Variants in PRPF8 observed in about 807,000 individuals in gnomAD.
PRPF8 encodes the protein pre-mRNA processing factor 8.
PRPF8 carries 64 observed loss-of-function variants against 285.9 expected under a neutral mutation model. The ratio of observed to expected loss-of-function variants is 0.22; its 90% confidence interval spans 0.18 to 0.28. PRPF8 has a LOEUF of 0.28. PRPF8 is among the 10% of genes least tolerant of loss of function. The pLI is 1.00. For synonymous variants in PRPF8, 1,325 were observed against 1,118.2 expected (o/e 1.18, Z -3.69); for missense variants, 1,426 against 3,026.7 (o/e 0.47, Z 12.41).
At chr17:1,660,654 G>A in intron 29 of PRPF8, 44 bp downstream of exon 29, 1 of 1,614,206 alleles carries the variant, frequency 6.2e-7, no homozygotes, top group Non-Finnish European at 8.5e-7. Flanking sequence ...GCAAGAAGCA[G>A]CAACTGTCTT....
At chr17:1,666,476 G>A (rs1414422868) in intron 24 of PRPF8, among the ~76,000 whole-genome samples, 1 of 151,532 alleles carries the variant, frequency 6.6e-6, no homozygotes, top group East Asian at 1.9e-4. Flanking sequence ...TCCTGAGCCT[G>A]GGAGGCAGAG....
intron 24 of PRPF8, among the ~76,000 whole-genome samples, chr17:1,672,744 C>G (rs543885732): frequency 6.6e-6 from 1 of 152,208 alleles, no homozygotes; most frequent in South Asian, 2.1e-4. Flanking sequence ...CACAGGTTCT[C>G]TATGCCACTG....
At position 1,651,420 on chromosome 17, in the gene PRPF8, GTGA is replaced by G. The variant is rs1265722163; in HGVS notation, c.6641_6643del (p.Ile2214del). The G allele has an allele frequency of 1.2e-6, 2 of 1,614,062 alleles. No homozygotes were observed. Among genetic ancestry groups the G allele is most frequent in the South Asian group, 1.1e-5 (1 of 91,094 alleles). ...CCAAGGAGCCCAGGCCCACCTGCAT[GTGA>G]TGATAATGGTCTTCTCGCCATCCCA... On this transcript the variant is annotated inframe_deletion, in exon 41 of 43. Transcript: ENST00000304992. This position sits in a 1 kb window ranked among gnomAD's most constrained non-coding sequence, Gnocchi z 5.1.
At chr17:1,678,908 A>G in intron 11 of PRPF8, 27 bp from the exon 12 acceptor site, 1 of 1,614,006 alleles carries the variant, frequency 6.2e-7, no homozygotes. Flanking sequence ...AAACAGACAG[A>G]ACGTGAATGA....
chr17:1,671,193 A>G (rs1490437462), intron 24 of PRPF8, among the ~76,000 whole-genome samples: 2 of 152,144 alleles, frequency 1.3e-5, no homozygotes, highest in Admixed American at 1.3e-4. Flanking sequence ...ATCACATGCT[A>G]CTTCTTTCAG....
Position 1,684,782 on chromosome 17 carries a change from C to T in PRPF8, c.-14G>A. On this transcript the variant is annotated splice_region_variant and 5_prime_UTR_variant, in exon 1 of 43. Coordinates refer to ENST00000304992, the MANE Select transcript of PRPF8 (RefSeq NM_006445.4). ...GGCCTTAAACGCCTGCCACGCACCC[C>T]ACAGGCCCTCACACAAGAGGCCGCT... The T allele has an allele frequency of 3.3e-6, 2 of 608,270 alleles. No homozygotes were observed. The highest frequency in any genetic ancestry group is 2.8e-5 in the East Asian group (1 of 36,318). The allele number at this position is 608,270 out of a possible 1,614,324, so 37.7% of individuals were successfully genotyped here.
chr17:1,658,977 T>TA lies in PRPF8; in HGVS notation c.5139-215dup. The stretch of plus-strand genomic sequence containing the variant: ...GTAAAGTAAAAAAGTATGACTACGT[T>TA]AAAGTATGGAGCTAATGGAAAATAC... On this transcript the variant is annotated intron_variant, in intron 32 of 42. Transcript: ENST00000304992. This position sits in a 1 kb window ranked among gnomAD's most constrained non-coding sequence, Gnocchi z 4.1. 1.5e-6 allele frequency: 1 copy of TA among 682,764 alleles called. No individual in the cohort carries two copies. Among genetic ancestry groups the TA allele is most frequent in the Non-Finnish European group, 2.7e-6 (1 of 375,166 alleles). 42.3% of individuals were successfully genotyped at this position (682,764 alleles called of 1,614,324 possible).
chr17:1,684,011 C>T (rs1024350083), intron 2 of PRPF8, among the ~76,000 whole-genome samples: 1 of 151,924 alleles, frequency 6.6e-6, no homozygotes, highest in African/African-American at 2.4e-5. Context: ...CTCAGCCTCC[C>T]CAGTAGCTGG....
At position 1,679,439 on chromosome 17, in the gene PRPF8, C is replaced by A; in HGVS notation, c.1290-29G>T. ...GAAAAATAAGCCCACCAGAGTTTGGCCATCTCTTCTTCCAGACACTCTGCT... is the reference window on the plus strand; with the variant it reads ...GAAAAATAAGCCCACCAGAGTTTGGACATCTCTTCTTCCAGACACTCTGCT... On this transcript the variant is annotated intron_variant, in intron 9 of 42. Coordinates refer to ENST00000304992, the MANE Select transcript of PRPF8 (RefSeq NM_006445.4). The surrounding 1 kb of genome is among the most constrained non-coding windows in gnomAD (Gnocchi z 4.7). 6.2e-7 allele frequency: 1 copy of A among 1,612,042 alleles called. No individual in the cohort carries two copies. Among genetic ancestry groups the A allele is most frequent in the South Asian group, 1.1e-5 (1 of 91,000 alleles).
chr17:1,665,989 G>A (rs1911956571), intron 24 of PRPF8, among the ~76,000 whole-genome samples: 1 of 34,984 alleles, frequency 2.9e-5, no homozygotes, highest in Admixed American at 3.2e-4. Flanking sequence ...CGGTGAAACC[G>A]CGTCGTAGTA....
chr17:1,677,710 G>A lies in PRPF8; in HGVS notation c.1855-16C>T, dbSNP rs763190656. On this transcript the variant is annotated splice_polypyrimidine_tract_variant and intron_variant, in intron 13 of 42. Coordinates refer to ENST00000304992, the MANE Select transcript of PRPF8 (RefSeq NM_006445.4). ...CTACAGGGCCCTACGATCCCAAGCA[G>A]AAGTTAAGAATACAAGTTAGCAATG... 1.9e-6 allele frequency: 3 copies of A among 1,613,568 alleles called. No individual in the cohort carries two copies. The Admixed American group carries it at 5.0e-5, about 27-fold the overall frequency.
intron 24 of PRPF8, among the ~76,000 whole-genome samples, chr17:1,670,495 GTATT>G (rs1248897157): frequency 1.3e-5 from 2 of 152,056 alleles, no homozygotes; most frequent in African/African-American, 4.8e-5. Context: ...ATTGATTTAT[GTATT>G]TTTTTGGAGA....
rs1226309739 is a variant in PRPF8, at chr17:1,658,547, G to A, written c.5355C>T (p.Val1785=). 1.2e-6 allele frequency: 2 copies of A among 1,613,112 alleles called. No homozygotes were observed. Among genetic ancestry groups the A allele is most frequent in the African/African-American group, 2.7e-5 (2 of 74,906 alleles). The part of the protein sequence containing the change: ...QIIWFVDDTN[V]YRVTIHKTFE... ...TCACCTTGTGAATAGTCACTCTGTA[G>A]ACGTTGGTGTCATCCACAAACCAGA... The change falls in exon 33 of 43, where the codon GTC becomes GTT. Residue 1785 remains valine (V), a synonymous_variant. Coordinates refer to ENST00000304992, the MANE Select transcript of PRPF8 (RefSeq NM_006445.4). This position sits in a 1 kb window ranked among gnomAD's most constrained non-coding sequence, Gnocchi z 4.1.
rs1014675757 is a variant in PRPF8 at position 1,655,460 on chromosome 17, A to G, written c.5877T>C (p.Thr1959=). 6.2e-7 allele frequency: 1 copy of G among 1,614,012 alleles called. No homozygotes were observed. The highest frequency in any genetic ancestry group is 8.5e-7 in the Non-Finnish European group (1 of 1,179,990). ...RAKVILKPDK[T]TITEPHHIWP... is the part of the protein sequence containing the mutation. ...AGATGTGGTGTGGTTCTGTAATAGT[A>G]GTCTTGTCTGGCTTCAGGATCACTT... is the stretch of plus-strand genomic sequence containing the variant. The change falls in exon 37 of 43, where the codon ACT becomes ACC. Residue 1959 remains threonine (T), a synonymous_variant. Coordinates refer to ENST00000304992, the MANE Select transcript of PRPF8 (RefSeq NM_006445.4).
intron 24 of PRPF8, among the ~76,000 whole-genome samples, chr17:1,670,577 C>A (rs1912253097): frequency 6.6e-6 from 1 of 151,854 alleles, no homozygotes; most frequent in African/African-American, 2.4e-5. Context: ...ACCTCCGCCT[C>A]CCGGGTTCCA....
At position 1,673,736 on chromosome 17, in the gene PRPF8, C is replaced by G; in HGVS notation, c.3446+10G>C. The G allele has an allele frequency of 6.2e-7, 1 of 1,613,992 alleles. No individual in the cohort carries two copies. Among genetic ancestry groups the G allele is most frequent in the East Asian group, 2.2e-5 (1 of 44,882 alleles). ...TCCTTCCAGCTCACACAGCCCCAAC[C>G]TAGACTCACAAGTTAACATCATGTT... On this transcript the variant is annotated intron_variant, in intron 22 of 42. Coordinates refer to ENST00000304992, the MANE Select transcript of PRPF8 (RefSeq NM_006445.4). This position sits in a 1 kb window ranked among gnomAD's most constrained non-coding sequence, Gnocchi z 5.5.
At position 1,660,598 on chromosome 17, in the gene PRPF8, G is replaced by A. The variant is rs1911631362; in HGVS notation, c.4639-20C>T. 2 of 1,614,094 alleles carry A rather than the reference G, an allele frequency of 1.2e-6. No homozygotes were observed. The highest frequency in any genetic ancestry group is 1.7e-6 in the Non-Finnish European group (2 of 1,180,056). On this transcript the variant is annotated intron_variant, in intron 29 of 42. Coordinates refer to ENST00000304992, the MANE Select transcript of PRPF8 (RefSeq NM_006445.4). ...ATATACCTGCCAGGAAAACGACAAT[G>A]TGACATTAGAGATCAAGAGACTCGG...
intron 2 of PRPF8, 134 bp from the exon 3 acceptor site, chr17:1,683,835 T>G: frequency 9.9e-7 from 1 of 1,013,666 alleles, no homozygotes; most frequent in Non-Finnish European, 1.5e-6. Flanking sequence ...CCCTTGCCAA[T>G]TCCCTTACCA....
chr17:1,683,403 C>T (rs917113446), intron 3 of PRPF8, 130 bp downstream of exon 3: 34 of 1,000,522 alleles, frequency 3.4e-5, no homozygotes, highest in Non-Finnish European at 2.8e-5. Flanking sequence ...TTATCAGAGA[C>T]TCCTACTGGT....
Sources: gnomAD v4.1 joint callset for allele counts (sites outside exome capture counted in the v4.1 genomes callset) on GRCh38, gnomAD v4.1.1 for gene constraint, Gnocchi (gnomAD v3.1) non-coding constraint, MANE v1.5 for transcripts, NCBI Gene and HGNC (gene_info 2026-07-23, HGNC 2026-07-21) for gene names.